Variants in PTPN2 observed in about 807,000 individuals in gnomAD.
The protein encoded by PTPN2 is tyrosine-protein phosphatase non-receptor type 2.
In PTPN2, 19 loss-of-function variants were observed where a neutral mutation model predicts 57.3. The ratio of observed to expected loss-of-function variants is 0.33; its 90% confidence interval spans 0.23 to 0.49. The LOEUF (loss-of-function observed/expected upper bound fraction) is 0.49. Ranked by LOEUF, PTPN2 falls within the 20% of genes least tolerant of loss-of-function variation. The pLI is 0.99. For synonymous variants in PTPN2, 153 were observed against 164.9 expected, an observed-to-expected ratio of 0.93 and a Z score of 0.55; for missense variants, 358 against 501.1, an observed-to-expected ratio of 0.71 and a Z score of 2.73.
intron 2 of PTPN2, among the ~76,000 whole-genome samples, chr18:12,841,750 GTCCCCA>G (rs774178245): frequency 1.3e-5 from 2 of 152,092 alleles, no homozygotes; most frequent in Non-Finnish European, 2.9e-5. Flanking sequence ...TCTTTAATCT[GTCCCCA>G]AGAGTCTGCA....
downstream of PTPN2, among the ~76,000 whole-genome samples, chr18:12,790,109 T>A (rs1314339117): frequency 7.2e-5 from 11 of 152,074 alleles, no homozygotes; most frequent in Admixed American, 2.6e-4. Flanking sequence ...AATTTTTCTT[T>A]TTTTTTTAAG....
At chr18:12,874,046 G>GCC (rs1464049982) in intron 1 of PTPN2, among the ~76,000 whole-genome samples, 1 of 150,618 alleles carries the variant, frequency 6.6e-6, no homozygotes, top group African/African-American at 2.4e-5. Context: ...GAGACCCTCC[G>GCC]CCCGGCAGCC....
chr18:12,808,939 A>G (rs1444676817), intron 7 of PTPN2, among the ~76,000 whole-genome samples: 1 of 152,226 alleles, frequency 6.6e-6, no homozygotes, highest in Non-Finnish European at 1.5e-5. Context: ...TAGTCACCAC[A>G]GTGGTGCTTG....
At chr18:12,825,967 G>C in intron 4 of PTPN2, 23 bp from the exon 5 acceptor site, 1 of 1,563,330 alleles carries the variant, frequency 6.4e-7, no homozygotes, top group Non-Finnish European at 8.7e-7. Context: ...ATATGTATAT[G>C]ATTTTTTTTT....
chr18:12,836,012 T>A (rs2042851854), intron 3 of PTPN2, among the ~76,000 whole-genome samples: 1 of 152,230 alleles, frequency 6.6e-6, no homozygotes, highest in African/African-American at 2.4e-5. Flanking sequence ...AATCTGCATA[T>A]CTTTTTACTT....
chr18:12,791,640 CTATT>C (rs1010124052), downstream of PTPN2, among the ~76,000 whole-genome samples: 15 of 152,164 alleles, frequency 9.9e-5, no homozygotes, highest in Admixed American at 5.2e-4. Flanking sequence ...AAACTGAACA[CTATT>C]TAAAGCATCC....
At chr18:12,827,358 T>A (rs200687138) in intron 4 of PTPN2, among the ~76,000 whole-genome samples, 5,401 of 123,820 alleles carry the variant, frequency 0.044, 248 homozygotes, top group African/African-American at 0.11. Context: ...AAAAAAAAAA[T>A]AATAATAATA....
chr18:12,817,139 T>A lies in PTPN2; in HGVS notation c.705+17A>T. The A allele has an allele frequency of 1.3e-6, 2 of 1,595,184 alleles. No homozygotes were observed. Among genetic ancestry groups the A allele is most frequent in the Non-Finnish European group, 8.5e-7 (1 of 1,172,462 alleles). ...AAAAATCAATGAGATTAAAATGAGA[T>A]CGTAAGAAGCACTTACCAAAACAAG... On this transcript the variant is annotated intron_variant, in intron 6 of 8. Coordinates refer to ENST00000309660, the MANE Select transcript of PTPN2 (RefSeq NM_002828.4).
chr18:12,793,875 T>C lies in PTPN2; in HGVS notation c.*403A>G. 9.6e-7 allele frequency: 1 copy of C among 1,045,342 alleles called. No homozygotes were observed. Among genetic ancestry groups the C allele is most frequent in the Non-Finnish European group, 1.2e-6 (1 of 864,976 alleles). 64.8% of individuals were successfully genotyped at this position (1,045,342 alleles called of 1,614,324 possible). A position where few individuals can be genotyped will look rare whatever the true frequency, so the allele number is the denominator to read the frequency against. ...CACACATTATTTAAATGTCATTTTC[T>C]TTCCAATAACGTAGATAAAACCACA... is the stretch of plus-strand genomic sequence containing the variant. On this transcript the variant is annotated 3_prime_UTR_variant, in exon 9 of 9. Coordinates refer to ENST00000309660, the MANE Select transcript of PTPN2 (RefSeq NM_002828.4).
chr18:12,798,320 TACA>T (rs1317147252), intron 8 of PTPN2, among the ~76,000 whole-genome samples: 1 of 152,206 alleles, frequency 6.6e-6, no homozygotes, highest in Non-Finnish European at 1.5e-5. Flanking sequence ...CCGTGACATG[TACA>T]ACAAGTTTTG....
At chr18:12,866,003 G>C (rs999753767) in intron 1 of PTPN2, among the ~76,000 whole-genome samples, 3 of 152,042 alleles carry the variant, frequency 2.0e-5, no homozygotes, top group Non-Finnish European at 2.9e-5. Context: ...TTTAATAATA[G>C]CTAAAACAAT....
At chr18:12,856,647 T>C (rs2043599050) in intron 2 of PTPN2, among the ~76,000 whole-genome samples, 1 of 152,224 alleles carries the variant, frequency 6.6e-6, no homozygotes, top group African/African-American at 2.4e-5. Context: ...ACTGCAGGTA[T>C]ACAACATAAG....
Position 12,847,042 on chromosome 18 carries a change from T to C in PTPN2, c.161-10151A>G, listed in dbSNP as rs527333742. On this transcript the variant is annotated intron_variant, in intron 2 of 8. Transcript: ENST00000309660. ...GACAAAACTATGTACAAGATTTTTG[T>C]CAGTCCAAAAAAAAAAAAAGTTTCA... is the stretch of plus-strand genomic sequence containing the variant. 7.7e-5 allele frequency among the ~76,000 whole-genome samples: 4 copies of C among 51,768 alleles called. No homozygotes were observed. The East Asian group carries it at 2.0e-3, about 26-fold the overall frequency. 34.0% of individuals were successfully genotyped at this position (51,768 alleles called of 152,430 possible).
chr18:12,838,874 A>C (rs1351806559), intron 2 of PTPN2, among the ~76,000 whole-genome samples: 1 of 152,112 alleles, frequency 6.6e-6, no homozygotes, highest in Non-Finnish European at 1.5e-5. Flanking sequence ...TGTTCTTTTA[A>C]GAAAAACACA....
chr18:12,819,048 C>T (rs551371009), intron 5 of PTPN2: 11 of 331,158 alleles, frequency 3.3e-5, no homozygotes, highest in South Asian at 1.7e-4. Flanking sequence ...GAGCCGAGAT[C>T]GTGCCATTGT....
At chr18:12,870,395 A>G (rs191180575) in intron 1 of PTPN2, among the ~76,000 whole-genome samples, 2,050 of 81,906 alleles carry the variant, frequency 0.025, 141 homozygotes, top group South Asian at 0.066. Context: ...GTATATATGT[A>G]TATATACACG....
At chr18:12,871,749 A>T (rs1241205606) in intron 1 of PTPN2, among the ~76,000 whole-genome samples, 2 of 152,118 alleles carry the variant, frequency 1.3e-5, no homozygotes, top group African/African-American at 4.8e-5. Flanking sequence ...CCGGGACTTT[A>T]CTGTAGTATA....
chr18:12,866,480 A>C (rs2043998629), intron 1 of PTPN2, among the ~76,000 whole-genome samples: 2 of 147,012 alleles, frequency 1.4e-5, no homozygotes, highest in Admixed American at 1.4e-4. Flanking sequence ...AACAAAACAA[A>C]AAAACAGATA....
intron 1 of PTPN2, among the ~76,000 whole-genome samples, chr18:12,870,385 GTATATATGTATATATACACGTA>G (rs2044186403): frequency 2.9e-5 from 1 of 34,166 alleles, no homozygotes; most frequent in Non-Finnish European, 4.8e-5. Context: ...ATATATATAC[GTATATATGTATATATACACGTA>G]TATATATGTA....
Sources: allele counts gnomAD v4.1 joint callset (sites outside exome capture counted in the v4.1 genomes callset), GRCh38; gene constraint gnomAD v4.1.1; transcripts MANE v1.5; gene names NCBI Gene and HGNC (gene_info 2026-07-23, HGNC 2026-07-21).